The following C1QTNF3 variants were observed in gnomAD, a reference collection of about 807,000 sequenced individuals.
The protein encoded by C1QTNF3 is complement C1q tumor necrosis factor-related protein 3.
In C1QTNF3, 26 loss-of-function variants were observed where a neutral mutation model predicts 32.6. The ratio of observed to expected loss-of-function variants is 0.80; its 90% CI spans 0.58 to 1.11. C1QTNF3 has a LOEUF of 1.11. Ranked by LOEUF, C1QTNF3 falls within the 50% of genes least tolerant of loss-of-function variation. The pLI, the probability that C1QTNF3 is intolerant of heterozygous loss-of-function variation, is 0.00. For missense variants in C1QTNF3, 362 were observed against 398.2 expected, an observed-to-expected ratio of 0.91 and a Z score of 0.77; for synonymous variants, 155 against 146.0, an observed-to-expected ratio of 1.06 and a Z score of -0.44.
the C1QTNF3 span, among the ~76,000 whole-genome samples, chr5:34,089,122 C>A: frequency 6.6e-6 from 1 of 152,110 alleles, no homozygotes; most frequent in Non-Finnish European, 1.5e-5. Flanking sequence ...GGCTGTGAAG[C>A]AGTTTCAAGA....
chr5:34,088,487 A>G, the C1QTNF3 span, among the ~76,000 whole-genome samples: 9 of 151,940 alleles, frequency 5.9e-5, no homozygotes, highest in African/African-American at 2.2e-4. Flanking sequence ...TATTTTCTAT[A>G]TATTTTTATA....
the C1QTNF3 span, among the ~76,000 whole-genome samples, chr5:34,159,137 A>G: frequency 6.6e-6 from 1 of 151,990 alleles, no homozygotes; most frequent in Non-Finnish European, 1.5e-5. Context: ...TTCAGTTTAA[A>G]TTTATCACAT....
chr5:34,197,101 G>C, the C1QTNF3 span, among the ~76,000 whole-genome samples: 619 of 152,078 alleles, frequency 4.1e-3, no homozygotes, highest in Non-Finnish European at 6.5e-3. Flanking sequence ...TCATAATATA[G>C]ATGAAAAATG....
In C1QTNF3 at chr5:34,033,393, C is replaced by T. The variant is rs749766233; in HGVS notation, c.481G>A (p.Asp161Asn). 1.9e-5 allele frequency: 31 copies of T among 1,613,968 alleles called. No individual in the cohort carries two copies. Among genetic ancestry groups the T allele is most frequent in the African/African-American group, 1.2e-4 (9 of 74,896 alleles). Residue 161 changes from aspartate (D) to asparagine (N), a missense_variant, in exon 3 of 6, where the codon GAC becomes AAC. Physicochemically the swap from Asp to Asn is conservative, Grantham distance 23. Transcript: ENST00000382065. Reference sequence around the variant, plus strand: ...CCTCGAGGCCCCAGGTCACCTTTGTCGCCCTTCTCACCTTTGGCTCCTTCA... The same window carrying T: ...CCTCGAGGCCCCAGGTCACCTTTGTTGCCCTTCTCACCTTTGGCTCCTTCA... ...GHEGAKGEKG[D>N]KGDLGPRGER...
the C1QTNF3 span, among the ~76,000 whole-genome samples, chr5:34,048,261 A>AGTGTGTGTGT: frequency 1.5e-5 from 2 of 136,504 alleles, no homozygotes; most frequent in African/African-American, 6.5e-5. Flanking sequence ...TAAGCATGGT[A>AGTGTGTGTGT]GTGTGTGTGT....
the C1QTNF3 span, among the ~76,000 whole-genome samples, chr5:34,078,255 C>G: frequency 4.6e-5 from 7 of 151,624 alleles, no homozygotes; most frequent in African/African-American, 1.7e-4. This position sits in a 1 kb window ranked among gnomAD's most constrained non-coding sequence, Gnocchi z 4.0. Flanking sequence ...CCCAGTCGTT[C>G]CCCTGTTCAT....
chr5:34,104,456 A>G, the C1QTNF3 span, among the ~76,000 whole-genome samples: 1 of 8,236 alleles, frequency 1.2e-4, no homozygotes, highest in East Asian at 1.6e-3. Context: ...CTGTAAATCT[A>G]TAATTATTAG....
At chr5:34,214,200 G>T in the C1QTNF3 span, among the ~76,000 whole-genome samples, 2 of 151,718 alleles carry the variant, frequency 1.3e-5, no homozygotes, top group African/African-American at 4.8e-5. Context: ...GTAAAGCAAC[G>T]GAAAAAGCAA....
chr5:34,036,921 C>T (rs1395466202), intron 1 of C1QTNF3, among the ~76,000 whole-genome samples: 5 of 151,908 alleles, frequency 3.3e-5, no homozygotes, highest in South Asian at 4.2e-4. Context: ...CATTGTACTC[C>T]AGCCTGGGCG....
the C1QTNF3 span, among the ~76,000 whole-genome samples, chr5:34,051,769 G>C: frequency 1.1e-4 from 17 of 152,200 alleles, no homozygotes; most frequent in Admixed American, 1.1e-3. Flanking sequence ...TTAAATTGGG[G>C]CCAGCTGACT....
chr5:34,050,564 G>C, the C1QTNF3 span, among the ~76,000 whole-genome samples: 1 of 152,126 alleles, frequency 6.6e-6, no homozygotes, highest in Non-Finnish European at 1.5e-5. Flanking sequence ...AAAATTTCCA[G>C]TATATTTATT....
At chr5:34,082,437 T>C in the C1QTNF3 span, among the ~76,000 whole-genome samples, 1 of 151,636 alleles carries the variant, frequency 6.6e-6, no homozygotes, top group Non-Finnish European at 1.5e-5. Context: ...TATCACAATC[T>C]AGCATGCTAA....
In C1QTNF3 at chr5:34,038,121, T is replaced by A. The variant is rs1256355234; in HGVS notation, c.304-2363A>T. Among the ~76,000 whole-genome samples, 5 of 152,296 alleles carry A rather than the reference T, an allele frequency of 3.3e-5. No homozygotes were observed. In the South Asian group the frequency reaches 6.2e-4, roughly 19 times the overall value. ...TAGAGAAGTCGCTGTTCTCCAGACA[T>A]CTTTTTTTGTTTGTTTTGTTTTTGG... On this transcript the variant is annotated intron_variant, in intron 1 of 5. Coordinates refer to ENST00000382065, the MANE Select transcript of C1QTNF3 (RefSeq NM_181435.6).
the C1QTNF3 span, among the ~76,000 whole-genome samples, chr5:34,137,156 A>T: frequency 6.6e-6 from 1 of 152,010 alleles, no homozygotes; most frequent in South Asian, 2.1e-4. Flanking sequence ...TTAAAAAAAA[A>T]AAAAAAGTGA....
upstream of C1QTNF3, among the ~76,000 whole-genome samples, chr5:34,044,526 A>G (rs182030190): frequency 5.3e-3 from 813 of 152,184 alleles, 8 homozygotes; most frequent in African/African-American, 0.019. Flanking sequence ...AGCTGCCCCC[A>G]TTGCTCAGCC....
At chr5:34,113,211 AACCTGCAAG>A in the C1QTNF3 span, among the ~76,000 whole-genome samples, 1 of 146,874 alleles carries the variant, frequency 6.8e-6, no homozygotes, top group African/African-American at 2.5e-5. Flanking sequence ...TTGTGAATAT[AACCTGCAAG>A]ACCTATTTCA....
At chr5:34,117,760 G>A in the C1QTNF3 span, among the ~76,000 whole-genome samples, 1 of 151,356 alleles carries the variant, frequency 6.6e-6, no homozygotes, top group African/African-American at 2.4e-5. Context: ...GACAGAGTGA[G>A]ACTCCATCTC....
At chr5:34,033,601 A>G in intron 2 of C1QTNF3, 143 bp from the exon 3 acceptor site, 1 of 955,504 alleles carries the variant, frequency 1.0e-6, no homozygotes, top group South Asian at 1.6e-5. Context: ...CATCATCTAA[A>G]TAGGGCAATA....
the C1QTNF3 span, among the ~76,000 whole-genome samples, chr5:34,056,992 C>T: frequency 6.6e-6 from 1 of 152,120 alleles, no homozygotes; most frequent in African/African-American, 2.4e-5. Flanking sequence ...GTCACCTGAC[C>T]AATGCAAACT....
Sources: gnomAD v4.1 joint callset for allele counts (sites outside exome capture counted in the v4.1 genomes callset) on GRCh38, gnomAD v4.1.1 for gene constraint, Gnocchi (gnomAD v3.1) non-coding constraint, MANE v1.5 for transcripts, NCBI Gene and HGNC (gene_info 2026-07-23, HGNC 2026-07-21) for gene names.